Variants in USP10 observed in about 807,000 individuals in gnomAD.
USP10 encodes ubiquitin carboxyl-terminal hydrolase 10.
USP10 carries 22 observed loss-of-function variants against 84.5 expected under a neutral mutation model. That is an observed-to-expected ratio of 0.26 (90% CI 0.19 to 0.37). The LOEUF (loss-of-function observed/expected upper bound fraction) is 0.37, where lower values mean the gene tolerates loss of function less well. Among genes scored for constraint, USP10 ranks in the 10% least tolerant of loss-of-function variants. The pLI is 1.00. For missense variants in USP10, 1,019 were observed against 998.9 expected (o/e 1.02, Z -0.27); for synonymous variants, 454 against 387.6 (o/e 1.17, Z -2.01).
At chr16:84,777,956 G>GC (rs1915185879) in intron 13 of USP10, among the ~76,000 whole-genome samples, 1 of 152,186 alleles carries the variant, frequency 6.6e-6, no homozygotes, top group Admixed American at 6.5e-5. Flanking sequence ...GCAGACCTGT[G>GC]CCCCTCTGCT....
At chr16:84,732,144 A>C (rs1909314860) in intron 1 of USP10, among the ~76,000 whole-genome samples, 1 of 152,224 alleles carries the variant, frequency 6.6e-6, no homozygotes, top group Non-Finnish European at 1.5e-5. Context: ...CATTCTTACC[A>C]GGAGGGTATT....
intron 3 of USP10, among the ~76,000 whole-genome samples, chr16:84,742,598 A>G (rs1254120656): frequency 6.6e-6 from 1 of 152,188 alleles, no homozygotes; most frequent in East Asian, 1.9e-4. Flanking sequence ...TTACCTGAGT[A>G]TTGAGTTTCC....
At chr16:84,733,575 T>G (rs1567611162) in intron 2 of USP10, 72 bp downstream of exon 2, 1 of 1,167,072 alleles carries the variant, frequency 8.6e-7, no homozygotes, top group South Asian at 1.5e-5. Flanking sequence ...TTTTAATTTG[T>G]TTTTTTAAAT....
rs1915347096 is a variant in USP10, at chr16:84,779,419, C to A, written c.*337C>A. 5.5e-6 allele frequency: 1 copy of A among 181,242 alleles called. No individual in the cohort carries two copies. The highest frequency in any genetic ancestry group is 1.1e-5 in the Non-Finnish European group (1 of 87,756). The allele number at this position is 181,242 out of a possible 1,614,324, so 11.2% of individuals were successfully genotyped here. A position where few individuals can be genotyped will look rare whatever the true frequency, so the allele number is the denominator to read the frequency against. The stretch of plus-strand genomic sequence containing the variant: ...AGTAGAATAAATCCTGCACCAGCAA[C>A]AACACTTGTAAATTTGTGAAAATGA... On this transcript the variant is annotated 3_prime_UTR_variant, in exon 14 of 14. Transcript: ENST00000219473.
chr16:84,728,790 C>T (rs545983951), intron 1 of USP10, among the ~76,000 whole-genome samples: 1 of 152,120 alleles, frequency 6.6e-6, no homozygotes, highest in East Asian at 1.9e-4. Context: ...GTTTTATAAG[C>T]AGCACCTCTT....
chr16:84,737,523 A>G (rs1910088383), intron 2 of USP10, among the ~76,000 whole-genome samples: 1 of 152,196 alleles, frequency 6.6e-6, no homozygotes, highest in Non-Finnish European at 1.5e-5. Flanking sequence ...TAAAACACAC[A>G]CATTTCCACA....
intron 12 of USP10, among the ~76,000 whole-genome samples, chr16:84,773,186 A>C (rs1469732756): frequency 6.7e-6 from 1 of 149,762 alleles, no homozygotes; most frequent in Non-Finnish European, 1.5e-5. Flanking sequence ...GCAATTTTAA[A>C]GAGCCCCAGG....
At chr16:84,717,543 C>G (rs1186981273) in intron 1 of USP10, among the ~76,000 whole-genome samples, 1 of 152,122 alleles carries the variant, frequency 6.6e-6, no homozygotes, top group Non-Finnish European at 1.5e-5. Context: ...AGCTTGGTGA[C>G]AAGCTGTTTG....
intron 1 of USP10, chr16:84,732,473 G>A (rs1360251698): frequency 2.6e-6 from 1 of 387,966 alleles, no homozygotes; most frequent in East Asian, 1.0e-4. Context: ...TTGAGATGGA[G>A]TCTGGCTCTG....
chr16:84,738,365 C>T (rs1049013912), intron 2 of USP10, among the ~76,000 whole-genome samples: 18 of 152,210 alleles, frequency 1.2e-4, no homozygotes, highest in African/African-American at 4.1e-4. Flanking sequence ...AGCTTTCTGT[C>T]ACCAGGGGGC....
At chr16:84,732,444 CTTTTT>C in intron 1 of USP10, 1 of 317,998 alleles carries the variant, frequency 3.1e-6, no homozygotes, top group Non-Finnish European at 6.1e-6. Flanking sequence ...TCTTCTTCTT[CTTTTT>C]TTTTTTTTTC....
intron 1 of USP10, among the ~76,000 whole-genome samples, chr16:84,725,147 A>G (rs370214162): frequency 6.6e-6 from 1 of 152,148 alleles, no homozygotes; most frequent in Non-Finnish European, 1.5e-5. Context: ...AGAACATTTC[A>G]TCATCCCCAA....
At chr16:84,748,153 C>CAAAAAAAAAA (rs1169089505) in intron 4 of USP10, among the ~76,000 whole-genome samples, 2 of 51,162 alleles carry the variant, frequency 3.9e-5, no homozygotes, top group Non-Finnish European at 3.4e-5. Context: ...GACTCCATCT[C>CAAAAAAAAAA]AAAAAAAAAA....
chr16:84,732,258 C>G (rs542325246), intron 1 of USP10, among the ~76,000 whole-genome samples: 1 of 152,206 alleles, frequency 6.6e-6, no homozygotes. Flanking sequence ...TTGTAAATTT[C>G]CCTGGAAGCT....
intron 1 of USP10, among the ~76,000 whole-genome samples, chr16:84,705,581 C>CG (rs1296610916): frequency 6.6e-6 from 1 of 151,724 alleles, no homozygotes; most frequent in Non-Finnish European, 1.5e-5. Context: ...CTCCTCCCTC[C>CG]GTCCCTTTCC....
At chr16:84,700,330 T>A (rs1461191330) in intron 1 of USP10, among the ~76,000 whole-genome samples, 4 of 151,100 alleles carry the variant, frequency 2.6e-5, no homozygotes, top group Admixed American at 2.6e-4. Context: ...CCCGGGGAGG[T>A]CGAAGGGCGG....
chr16:84,767,923 C>T (rs958655580), intron 10 of USP10, among the ~76,000 whole-genome samples: 5 of 152,082 alleles, frequency 3.3e-5, no homozygotes, highest in South Asian at 2.1e-4. Context: ...GAGGACCCTG[C>T]GGCCTTCCGC....
intron 4 of USP10, among the ~76,000 whole-genome samples, chr16:84,758,439 C>G (rs968429097): frequency 1.3e-5 from 2 of 152,060 alleles, no homozygotes; most frequent in Admixed American, 6.5e-5. Flanking sequence ...TTTTTTGTTT[C>G]TCATTAAAAT....
Position 84,733,508 on chromosome 16 carries a change from G to C in USP10, c.90+5G>C. ...ACTCCTCGATCTTCAGTTGAGGTAA[G>C]ACAAAACTTTGTTTTAGTGAGTCCG... On this transcript the variant is annotated splice_donor_5th_base_variant and intron_variant, in intron 2 of 13. Transcript: ENST00000219473. 1 of 1,605,716 alleles carries C rather than the reference G, an allele frequency of 6.2e-7. No individual in the cohort carries two copies. Among genetic ancestry groups the C allele is most frequent in the Non-Finnish European group, 8.5e-7 (1 of 1,176,630 alleles).
Sources: allele counts gnomAD v4.1 joint callset (sites outside exome capture counted in the v4.1 genomes callset), GRCh38; gene constraint gnomAD v4.1.1; transcripts MANE v1.5; gene names NCBI Gene and HGNC (gene_info 2026-07-23, HGNC 2026-07-21).